Variants in NEGR1 observed in about 807,000 individuals in gnomAD.
NEGR1 encodes the protein IgLON family member 4.
Under a neutral mutation model 40.9 loss-of-function variants are expected in NEGR1, and 10 were observed. That is an observed-to-expected ratio of 0.24 (90% CI 0.15 to 0.42). NEGR1 has a LOEUF of 0.42. Ranked by LOEUF, NEGR1 falls within the 10% of genes least tolerant of loss-of-function variation. The pLI, the probability that NEGR1 is intolerant of heterozygous loss-of-function variation, is 1.00. For missense variants in NEGR1, 352 were observed against 438.9 expected, an observed-to-expected ratio of 0.80 and a Z score of 1.77; for synonymous variants, 185 against 166.8, an observed-to-expected ratio of 1.11 and a Z score of -0.84.
chr1:71,694,002 C>G lies in NEGR1; in HGVS notation c.667+4006G>C, dbSNP rs1031903992. Among the ~76,000 whole-genome samples the G allele has an allele frequency of 2.0e-5, 3 of 151,684 alleles. No individual in the cohort carries two copies. The East Asian group carries it at 5.8e-4, about 29-fold the overall frequency. On this transcript the variant is annotated intron_variant, in intron 4 of 6. Coordinates refer to ENST00000357731, the MANE Select transcript of NEGR1 (RefSeq NM_173808.3). Reference sequence around the variant, plus strand: ...TTTTTGATTTTCACTGTGATCTTCCCTTTTCTAACCAGATTTTTCCTGCGT... The same window carrying G: ...TTTTTGATTTTCACTGTGATCTTCCGTTTTCTAACCAGATTTTTCCTGCGT...
chr1:72,150,777 A>G (rs1651097415), intron 1 of NEGR1, among the ~76,000 whole-genome samples: 1 of 152,174 alleles, frequency 6.6e-6, no homozygotes, highest in Non-Finnish European at 1.5e-5. Context: ...ATGAGATTCC[A>G]GCATTTTACA....
chr1:72,019,384 C>A (rs750625711), intron 1 of NEGR1, among the ~76,000 whole-genome samples: 1 of 152,122 alleles, frequency 6.6e-6, no homozygotes, highest in Non-Finnish European at 1.5e-5. Flanking sequence ...AGAGTCTTTT[C>A]TTGGTTTACA....
chr1:71,943,873 A>T (rs1645994599), intron 1 of NEGR1, among the ~76,000 whole-genome samples: 1 of 152,198 alleles, frequency 6.6e-6, no homozygotes, highest in Admixed American at 6.6e-5. Context: ...AGGTCTTATC[A>T]TCTCTGCTCT....
At chr1:71,930,071 T>C (rs1205473170) in intron 2 of NEGR1, among the ~76,000 whole-genome samples, 2 of 152,190 alleles carry the variant, frequency 1.3e-5, no homozygotes, top group African/African-American at 2.4e-5. Context: ...GGATAGGTTC[T>C]AAAATTTATT....
At chr1:72,165,535 G>A (rs1651734704) in intron 1 of NEGR1, among the ~76,000 whole-genome samples, 1 of 151,868 alleles carries the variant, frequency 6.6e-6, no homozygotes, top group Admixed American at 6.6e-5. Flanking sequence ...TTTCCTTTAG[G>A]TGTTATTTGT....
intron 6 of NEGR1, among the ~76,000 whole-genome samples, chr1:71,526,707 C>A (rs1647220878): frequency 6.6e-6 from 1 of 151,512 alleles, no homozygotes; most frequent in South Asian, 2.1e-4. Context: ...TCTTTCCTGG[C>A]ATTATATAAT....
At chr1:72,106,883 T>C (rs541217538) in intron 1 of NEGR1, among the ~76,000 whole-genome samples, 9 of 151,922 alleles carry the variant, frequency 5.9e-5, no homozygotes, top group Non-Finnish European at 1.0e-4. Context: ...GATACAGATA[T>C]AGATATATGA....
chr1:71,632,342 G>A (rs935691215), intron 4 of NEGR1, among the ~76,000 whole-genome samples: 9 of 151,132 alleles, frequency 6.0e-5, no homozygotes, highest in African/African-American at 2.2e-4. Context: ...GCCATCAGCT[G>A]ACAACTTTGG....
At chr1:72,071,456 A>G (rs1230484144) in intron 1 of NEGR1, among the ~76,000 whole-genome samples, 5 of 152,096 alleles carry the variant, frequency 3.3e-5, no homozygotes, top group Non-Finnish European at 7.4e-5. Flanking sequence ...TTTTCTTTCA[A>G]TAATCTTATT....
intron 1 of NEGR1, among the ~76,000 whole-genome samples, chr1:72,265,648 T>C (rs185580027): frequency 6.0e-5 from 9 of 151,084 alleles, no homozygotes; most frequent in Admixed American, 5.3e-4. Context: ...TAAGAATTAT[T>C]TGTTTCTTAA....
intron 4 of NEGR1, 38 bp from the exon 5 acceptor site, chr1:71,611,184 G>A (rs772936719): frequency 1.9e-6 from 3 of 1,580,246 alleles, no homozygotes; most frequent in Non-Finnish European, 1.7e-6. Context: ...TAGTAGATAA[G>A]TAAAAATAAT....
intron 3 of NEGR1, among the ~76,000 whole-genome samples, chr1:71,717,897 TCTAC>T (rs1173864894): frequency 1.2e-4 from 18 of 152,238 alleles, no homozygotes; most frequent in African/African-American, 3.4e-4. Context: ...CAAACAGCTA[TCTAC>T]AAGTCAAGGA....
chr1:72,088,805 T>C lies in NEGR1; in HGVS notation c.177-153494A>G, dbSNP rs923064954. Among the ~76,000 whole-genome samples, 617 of 133,246 alleles carry C rather than the reference T, an allele frequency of 4.6e-3. 3 individuals carry two copies. Among genetic ancestry groups the C allele is most frequent in the African/African-American group, 0.017 (581 of 35,168 alleles). The allele number at this position is 133,246 out of a possible 152,430, so 87.4% of individuals were successfully genotyped here. ...GTAGTTCTCTCTCTCTCTTTTTTTT[T>C]TTTTTTTTTTTTTTTTTTGAGACGG... On this transcript the variant is annotated intron_variant, in intron 1 of 6. Coordinates refer to ENST00000357731, the MANE Select transcript of NEGR1 (RefSeq NM_173808.3).
intron 1 of NEGR1, among the ~76,000 whole-genome samples, chr1:72,106,845 G>C (rs1447181813): frequency 6.6e-6 from 1 of 151,754 alleles, no homozygotes; most frequent in South Asian, 2.1e-4. Context: ...CTATATCAAA[G>C]ACAAAACGTC....
At chr1:72,217,095 T>C (rs1370461242) in intron 1 of NEGR1, among the ~76,000 whole-genome samples, 2 of 151,778 alleles carry the variant, frequency 1.3e-5, no homozygotes, top group Admixed American at 6.6e-5. Context: ...TCCCCAATTT[T>C]AAAATCTTGA....
chr1:71,546,018 G>T (rs746764708), intron 6 of NEGR1, among the ~76,000 whole-genome samples: 2 of 151,696 alleles, frequency 1.3e-5, no homozygotes, highest in African/African-American at 2.4e-5. Flanking sequence ...AAATAAATCT[G>T]TGTCTGATAA....
Position 71,811,858 on chromosome 1 carries a change from ATTTATTTTATTTTAT to A in NEGR1, c.410-35576_410-35562del, listed in dbSNP as rs71074806. ...TGACTCAATATCCAAAGTTCTATTT[ATTTATTTTATTTTAT>A]TTTATTTTATTTTATTTTATTTTAT... On this transcript the variant is annotated intron_variant, in intron 2 of 6. Coordinates refer to ENST00000357731, the MANE Select transcript of NEGR1 (RefSeq NM_173808.3). Among the ~76,000 whole-genome samples the A allele has an allele frequency of 2.9e-3, 404 of 137,546 alleles. 1 individual carries two copies. Among genetic ancestry groups the A allele is most frequent in the South Asian group, 9.1e-3 (40 of 4,382 alleles). The allele number at this position is 137,546 out of a possible 152,430, so 90.2% of individuals were successfully genotyped here.
chr1:71,906,619 C>G (rs1661284058), intron 2 of NEGR1, among the ~76,000 whole-genome samples: 1 of 151,498 alleles, frequency 6.6e-6, no homozygotes, highest in Non-Finnish European at 1.5e-5. Flanking sequence ...TGATTTTGAT[C>G]AATGAAAGAG....
chr1:72,143,891 TATATTATATATATG>T (rs60830786), intron 1 of NEGR1, among the ~76,000 whole-genome samples: 3,036 of 102,482 alleles, frequency 0.03, 133 homozygotes, highest in African/African-American at 0.098. Flanking sequence ...TTCATATATA[TATATTATATATATG>T]ATATATATAA....
Sources: gnomAD v4.1 joint callset for allele counts (sites outside exome capture counted in the v4.1 genomes callset) on GRCh38, gnomAD v4.1.1 for gene constraint, MANE v1.5 for transcripts, NCBI Gene and HGNC (gene_info 2026-07-23, HGNC 2026-07-21) for gene names.